NEGR1: variants seen among roughly 807,000 people sequenced by gnomAD.
NEGR1 encodes IgLON family member 4.
In NEGR1, 10 loss-of-function variants were observed where a neutral mutation model predicts 40.9. The ratio of observed to expected loss-of-function variants is 0.24; its 90% CI spans 0.15 to 0.42. NEGR1 has a LOEUF of 0.42. NEGR1 is among the 10% of genes least tolerant of loss of function. The pLI is 1.00. For missense variants in NEGR1, 352 were observed against 438.9 expected, an observed-to-expected ratio of 0.80 and a Z score of 1.77; for synonymous variants, 185 against 166.8, an observed-to-expected ratio of 1.11 and a Z score of -0.84.
chr1:71,862,924 T>C (rs939614221), intron 2 of NEGR1, among the ~76,000 whole-genome samples: 1 of 152,036 alleles, frequency 6.6e-6, no homozygotes, highest in Non-Finnish European at 1.5e-5. Flanking sequence ...GTCAGAATGC[T>C]GATTATTAAA....
At chr1:71,813,984 A>G (rs1211663183) in intron 2 of NEGR1, among the ~76,000 whole-genome samples, 2 of 152,020 alleles carry the variant, frequency 1.3e-5, no homozygotes, top group Non-Finnish European at 2.9e-5. Flanking sequence ...GAGTGGTGAG[A>G]GATGACATCC....
intron 2 of NEGR1, among the ~76,000 whole-genome samples, chr1:71,824,261 C>A (rs1570397432): frequency 6.6e-6 from 1 of 151,742 alleles, no homozygotes; most frequent in South Asian, 2.1e-4. Context: ...TTAGCCACTG[C>A]AATTTTCTCA....
chr1:72,049,686 C>T (rs1317871617), intron 1 of NEGR1, among the ~76,000 whole-genome samples: 1 of 151,544 alleles, frequency 6.6e-6, no homozygotes. Flanking sequence ...GCAAGCTGAA[C>T]AGAAACATGT....
At chr1:71,999,291 C>T (rs189508464) in intron 1 of NEGR1, among the ~76,000 whole-genome samples, 14 of 151,900 alleles carry the variant, frequency 9.2e-5, no homozygotes, top group Non-Finnish European at 1.6e-4. Context: ...CATAACCTGC[C>T]TTGTTGACTC....
chr1:71,552,113 G>A (rs992564008), intron 6 of NEGR1, among the ~76,000 whole-genome samples: 3 of 151,544 alleles, frequency 2.0e-5, no homozygotes, highest in African/African-American at 2.4e-5. Context: ...TTAGTTTGGA[G>A]AGAATCTCTC....
At chr1:71,874,560 C>T (rs2101836406) in intron 2 of NEGR1, among the ~76,000 whole-genome samples, 1 of 152,180 alleles carries the variant, frequency 6.6e-6, no homozygotes, top group African/African-American at 2.4e-5. Context: ...GGTGTATCTT[C>T]TTCTCTATTA....
chr1:72,250,333 CT>C (rs547613969), intron 1 of NEGR1, among the ~76,000 whole-genome samples: 2 of 152,148 alleles, frequency 1.3e-5, no homozygotes, highest in South Asian at 4.2e-4. Context: ...GACTAATATA[CT>C]ACCCTTACCT....
At chr1:71,529,913 T>G (rs1647301511) in intron 6 of NEGR1, among the ~76,000 whole-genome samples, 1 of 151,230 alleles carries the variant, frequency 6.6e-6, no homozygotes, top group African/African-American at 2.4e-5. Flanking sequence ...AATTCAATTT[T>G]CATTCCCTTC....
chr1:72,062,459 G>C (rs190093821), intron 1 of NEGR1, among the ~76,000 whole-genome samples: 8 of 151,840 alleles, frequency 5.3e-5, no homozygotes, highest in South Asian at 2.1e-4. Context: ...TCTTTGAAGA[G>C]GAAAAAGACT....
intron 6 of NEGR1, among the ~76,000 whole-genome samples, chr1:71,423,130 T>C (rs896268848): frequency 1.3e-5 from 2 of 152,130 alleles, no homozygotes; most frequent in African/African-American, 4.8e-5. Context: ...CTCACACCTG[T>C]AATCCCAAGC....
At chr1:72,094,576 G>T (rs1417043461) in intron 1 of NEGR1, among the ~76,000 whole-genome samples, 1 of 152,160 alleles carries the variant, frequency 6.6e-6, no homozygotes, top group Non-Finnish European at 1.5e-5. Flanking sequence ...AATTCAGAGA[G>T]ACTGGTGATT....
intron 1 of NEGR1, among the ~76,000 whole-genome samples, chr1:72,016,728 T>C (rs1646713275): frequency 6.6e-6 from 1 of 152,206 alleles, no homozygotes; most frequent in African/African-American, 2.4e-5. Context: ...TAAAAACCCC[T>C]GCACTGCTCT....
chr1:71,860,749 A>G (rs910472123), intron 2 of NEGR1, among the ~76,000 whole-genome samples: 1 of 152,072 alleles, frequency 6.6e-6, no homozygotes, highest in African/African-American at 2.4e-5. Flanking sequence ...GTCTTTGGAG[A>G]TTTAAATTAC....
At chr1:71,960,180 C>T (rs1646153569) in intron 1 of NEGR1, among the ~76,000 whole-genome samples, 4 of 152,066 alleles carry the variant, frequency 2.6e-5, no homozygotes, top group Admixed American at 6.6e-5. Flanking sequence ...ACAAACATAG[C>T]CTACTTATTG....
At chr1:72,058,160 C>G (rs1647129192) in intron 1 of NEGR1, among the ~76,000 whole-genome samples, 1 of 151,568 alleles carries the variant, frequency 6.6e-6, no homozygotes, top group South Asian at 2.1e-4. Context: ...TCACATGAAA[C>G]TTCACCATGA....
chr1:71,447,973 G>C (rs1243063432), intron 6 of NEGR1, among the ~76,000 whole-genome samples: 1 of 152,224 alleles, frequency 6.6e-6, no homozygotes, highest in Non-Finnish European at 1.5e-5. Context: ...GGGACTGGAA[G>C]AGGAAACTCT....
chr1:72,110,790 T>G (rs1649332464), intron 1 of NEGR1, among the ~76,000 whole-genome samples: 1 of 151,562 alleles, frequency 6.6e-6, no homozygotes, highest in African/African-American at 2.4e-5. Flanking sequence ...AATTTTCACT[T>G]TTTCTGGTCA....
At chr1:71,599,921 T>C (rs1649858329) in intron 5 of NEGR1, among the ~76,000 whole-genome samples, 1 of 152,222 alleles carries the variant, frequency 6.6e-6, no homozygotes, top group African/African-American at 2.4e-5. Flanking sequence ...CCTGGCAACC[T>C]GGCCTATGAC....
chr1:71,591,145 C>T (rs1412067242), intron 6 of NEGR1, among the ~76,000 whole-genome samples: 1 of 152,046 alleles, frequency 6.6e-6, no homozygotes, highest in Non-Finnish European at 1.5e-5. Flanking sequence ...TAATTACAGA[C>T]AAGATTTTCA....
Sources: gnomAD v4.1 joint callset for allele counts (sites outside exome capture counted in the v4.1 genomes callset) on GRCh38, gnomAD v4.1.1 for gene constraint, MANE v1.5 for transcripts, NCBI Gene and HGNC (gene_info 2026-07-23, HGNC 2026-07-21) for gene names.